The following NALCN variants were observed in gnomAD, a reference collection of about 807,000 sequenced individuals.
The protein encoded by NALCN is sodium leak channel NALCN.
In NALCN, 111 loss-of-function variants were observed where a neutral mutation model predicts 225.3. That is an observed-to-expected ratio of 0.49 (90% confidence interval 0.42 to 0.58). NALCN has a LOEUF of 0.58. NALCN is among the 20% of genes least tolerant of loss of function. NALCN has a pLI of 0.00. For missense variants in NALCN, 1,378 were observed against 2,202.4 expected, an observed-to-expected ratio of 0.63 and a Z score of 7.49; for synonymous variants, 764 against 769.0, an observed-to-expected ratio of 0.99 and a Z score of 0.11.
At chr13:101,385,670 G>C (rs2046967214) in intron 3 of NALCN, among the ~76,000 whole-genome samples, 1 of 152,098 alleles carries the variant, frequency 6.6e-6, no homozygotes, top group South Asian at 2.1e-4. Context: ...TCTTGTACCA[G>C]CATTGTTTAC....
chr13:101,218,757 C>G (rs904420166), intron 13 of NALCN, among the ~76,000 whole-genome samples: 2 of 152,110 alleles, frequency 1.3e-5, no homozygotes, highest in African/African-American at 2.4e-5. Flanking sequence ...GACTTGCCTG[C>G]TTCCCCTTTG....
chr13:101,405,909 G>A (rs997684525), intron 1 of NALCN, among the ~76,000 whole-genome samples: 8 of 152,030 alleles, frequency 5.3e-5, no homozygotes, highest in African/African-American at 9.7e-5. Flanking sequence ...TTAAAATAGT[G>A]AGCTCACTGG....
chr13:101,172,047 G>A (rs77822690), intron 15 of NALCN, among the ~76,000 whole-genome samples: 1 of 152,290 alleles, frequency 6.6e-6, no homozygotes, highest in African/African-American at 2.4e-5. Context: ...TTCTCTTCCA[G>A]CTTCCTGAAG....
chr13:101,112,703 C>T lies in NALCN; in HGVS notation c.2193-1477G>A, dbSNP rs367923193. ...TTGCTCAACACCTGAACACACAATT[C>T]TGCCATTTTTTACATATTATTTTCA... On this transcript the variant is annotated intron_variant, in intron 18 of 43. Coordinates refer to ENST00000251127, the MANE Select transcript of NALCN (RefSeq NM_052867.4). 2.8e-4 allele frequency among the ~76,000 whole-genome samples: 42 copies of T among 152,300 alleles called. 1 individual carries two copies. In the East Asian group the frequency reaches 6.4e-3, roughly 23 times the overall value.
At chr13:101,219,513 C>T (rs2040858856) in intron 13 of NALCN, among the ~76,000 whole-genome samples, 1 of 152,144 alleles carries the variant, frequency 6.6e-6, no homozygotes, top group Non-Finnish European at 1.5e-5. Context: ...TGTGTGGGAT[C>T]TTCTTAGACA....
chr13:101,231,236 A>C (rs2041334647), intron 12 of NALCN, among the ~76,000 whole-genome samples: 1 of 152,186 alleles, frequency 6.6e-6, no homozygotes, highest in South Asian at 2.1e-4. Context: ...AGATATATTT[A>C]GATGTTTTGC....
intron 15 of NALCN, among the ~76,000 whole-genome samples, chr13:101,148,179 A>G (rs2037454498): frequency 1.3e-5 from 2 of 152,044 alleles, no homozygotes; most frequent in African/African-American, 4.8e-5. Context: ...ATAGAAATTT[A>G]CTCTCTCAGC....
intron 3 of NALCN, among the ~76,000 whole-genome samples, chr13:101,389,511 C>T (rs2047083162): frequency 6.6e-6 from 1 of 152,138 alleles, no homozygotes; most frequent in African/African-American, 2.4e-5. Context: ...TTCAGTAGGG[C>T]AGGGACACTG....
At chr13:101,395,726 A>C (rs534075355) in intron 2 of NALCN, among the ~76,000 whole-genome samples, 51 of 152,310 alleles carry the variant, frequency 3.3e-4, no homozygotes, top group Middle Eastern at 3.4e-3. Context: ...TTCTGGTTCA[A>C]TTAAAATATG....
At chr13:101,303,024 G>A (rs1468795083) in intron 7 of NALCN, among the ~76,000 whole-genome samples, 3 of 151,996 alleles carry the variant, frequency 2.0e-5, no homozygotes, top group African/African-American at 7.3e-5. Context: ...CATTTCCAAT[G>A]TAGACCAGAA....
At chr13:101,102,280 C>T (rs545528847) in intron 26 of NALCN, among the ~76,000 whole-genome samples, 224 of 143,978 alleles carry the variant, frequency 1.6e-3, no homozygotes, top group African/African-American at 6.1e-3. Context: ...AAGATTCTGT[C>T]TCAAAAAAAA....
intron 10 of NALCN, among the ~76,000 whole-genome samples, chr13:101,274,392 C>G (rs1387412390): frequency 6.6e-6 from 1 of 152,180 alleles, no homozygotes; most frequent in Non-Finnish European, 1.5e-5. Flanking sequence ...GAGATGAAAT[C>G]CCCATTCAGT....
At chr13:101,386,277 C>T (rs1307857513) in intron 3 of NALCN, among the ~76,000 whole-genome samples, 4 of 152,126 alleles carry the variant, frequency 2.6e-5, no homozygotes, top group Non-Finnish European at 4.4e-5. Flanking sequence ...AAGAGAAGTG[C>T]CTATTTTCTG....
At chr13:101,110,496 TG>T in intron 20 of NALCN, 122 bp downstream of exon 20, 1 of 998,320 alleles carries the variant, frequency 1.0e-6, no homozygotes, top group Non-Finnish European at 1.5e-6. Context: ...TGATTCCCTC[TG>T]GTATGAAGTC....
chr13:101,320,652 C>T (rs76937181), intron 7 of NALCN, among the ~76,000 whole-genome samples: 2 of 152,210 alleles, frequency 1.3e-5, no homozygotes, highest in East Asian at 3.9e-4. Context: ...AGGAAGGGTC[C>T]ATTACCAGTT....
At chr13:101,134,697 A>T (rs911151264) in intron 17 of NALCN, among the ~76,000 whole-genome samples, 2 of 152,192 alleles carry the variant, frequency 1.3e-5, no homozygotes, top group African/African-American at 4.8e-5. Flanking sequence ...TAAACAATTT[A>T]AAACTTAATG....
chr13:101,065,909 A>G (rs1478408131), intron 39 of NALCN, among the ~76,000 whole-genome samples: 2 of 152,160 alleles, frequency 1.3e-5, no homozygotes, highest in South Asian at 2.1e-4. Context: ...CGCCACCTCC[A>G]ACACATGCAC....
chr13:101,056,246 C>CT (rs34583741), intron 43 of NALCN, among the ~76,000 whole-genome samples: 6,698 of 45,924 alleles, frequency 0.15, 1,811 homozygotes, highest in Non-Finnish European at 0.18. Flanking sequence ...AGTGGAAGTA[C>CT]TTTTTTTTTT....
intron 17 of NALCN, among the ~76,000 whole-genome samples, chr13:101,141,292 A>T (rs940708914): frequency 2.0e-5 from 3 of 152,218 alleles, no homozygotes; most frequent in African/African-American, 7.2e-5. Flanking sequence ...AAAGCTTCTG[A>T]ACTCCAAGGA....
Sources: gnomAD v4.1 joint callset for allele counts (sites outside exome capture counted in the v4.1 genomes callset) on GRCh38, gnomAD v4.1.1 for gene constraint, MANE v1.5 for transcripts, NCBI Gene and HGNC (gene_info 2026-07-23, HGNC 2026-07-21) for gene names.